The following BRI3 variants were observed in gnomAD, a reference collection of about 807,000 sequenced individuals.
BRI3 encodes brain protein I3, also known as membrane protein BRI3.
In BRI3, 6 loss-of-function variants were observed where a neutral mutation model predicts 12.8. The observed-to-expected ratio is 0.47, with a 90% CI of 0.26 to 0.93. BRI3 has a LOEUF of 0.93. Ranked by LOEUF, BRI3 falls within the 40% of genes least tolerant of loss-of-function variation. The pLI, the probability that BRI3 is intolerant of heterozygous loss-of-function variation, is 0.15. For missense variants in BRI3, 134 were observed against 171.1 expected (o/e 0.78, Z 1.21); for synonymous variants, 91 against 76.1 (o/e 1.20, Z -1.02).
chr7:98,312,928 C>A (rs752979641), downstream of BRI3, among the ~76,000 whole-genome samples: 1 of 152,160 alleles, frequency 6.6e-6, no homozygotes, highest in Non-Finnish European at 1.5e-5. Flanking sequence ...CAGAGGCCCC[C>A]CAAGCGCTTC....
At chr7:98,308,628 G>A in exon 2 of BRI3, 1 of 221,352 alleles carries the variant, frequency 4.5e-6, no homozygotes, top group Admixed American at 5.0e-5. Flanking sequence ...TTCAAACACA[G>A]GCTGATATTT....
upstream of BRI3, chr7:98,306,470 C>T (rs1390173400): frequency 6.2e-7 from 1 of 1,614,080 alleles, no homozygotes; most frequent in African/African-American, 1.3e-5. Context: ...GCTTCTGTCT[C>T]ATTTTCTTCC....
chr7:98,311,457 C>T (rs1800865305), downstream of BRI3, among the ~76,000 whole-genome samples: 1 of 150,612 alleles, frequency 6.6e-6, no homozygotes, highest in Non-Finnish European at 1.5e-5. Flanking sequence ...GGCAGAATGG[C>T]GTGAACCCAG....
At chr7:98,311,967 T>C, downstream of BRI3, 3 of 902,814 alleles carry the variant, frequency 3.3e-6, no homozygotes, top group Non-Finnish European at 3.4e-6. Context: ...GGTAAGGGGA[T>C]AGAGGTGCGA....
intron 1 of BRI3, among the ~76,000 whole-genome samples, 195 bp downstream of exon 1, chr7:98,282,132 C>T (rs1288907431): frequency 6.6e-6 from 1 of 152,188 alleles, no homozygotes; most frequent in African/African-American, 2.4e-5. Flanking sequence ...CCCGTCGTAA[C>T]CCGGCGGGGC....
chr7:98,304,897 C>T (rs1237372971), upstream of BRI3, among the ~76,000 whole-genome samples: 1 of 150,140 alleles, frequency 6.7e-6, no homozygotes, highest in South Asian at 2.1e-4. Context: ...TGGGGTTTCC[C>T]TCTTATTGTC....
downstream of BRI3, among the ~76,000 whole-genome samples, chr7:98,293,893 C>T (rs1468838678): frequency 6.6e-6 from 1 of 152,218 alleles, no homozygotes; most frequent in African/African-American, 2.4e-5. Flanking sequence ...GGAAGCCCTG[C>T]TCCCAGCGTG....
At chr7:98,287,034 G>A (rs946220303) in intron 2 of BRI3, among the ~76,000 whole-genome samples, 1 of 152,164 alleles carries the variant, frequency 6.6e-6, no homozygotes, top group Non-Finnish European at 1.5e-5. Flanking sequence ...GCCAGCCCTC[G>A]GGCCTTCGAA....
chr7:98,317,255 G>T, the BRI3 span: 1 of 1,614,198 alleles, frequency 6.2e-7, no homozygotes, highest in Non-Finnish European at 8.5e-7. Flanking sequence ...GTGCGTTTCG[G>T]CTTCCTTGGC....
At chr7:98,284,132 A>G (rs1799628699) in intron 2 of BRI3, among the ~76,000 whole-genome samples, 1 of 152,044 alleles carries the variant, frequency 6.6e-6, no homozygotes, top group Non-Finnish European at 1.5e-5. Context: ...TGGTTACTTA[A>G]TCACTGCTCT....
At chr7:98,296,239 C>T (rs1439724951), downstream of BRI3, among the ~76,000 whole-genome samples, 8 of 152,170 alleles carry the variant, frequency 5.3e-5, no homozygotes, top group South Asian at 2.1e-4. Context: ...TCGTGGGGGC[C>T]GGGAACGTCC....
At chr7:98,306,323 C>T (rs1257016032), upstream of BRI3, 5 of 1,238,236 alleles carry the variant, frequency 4.0e-6, no homozygotes, top group Middle Eastern at 3.8e-4. Context: ...TCTGACTAGT[C>T]CACGAGAGCT....
At chr7:98,316,810 A>C in the BRI3 span, among the ~76,000 whole-genome samples, 2 of 152,084 alleles carry the variant, frequency 1.3e-5, no homozygotes, top group African/African-American at 4.8e-5. Flanking sequence ...TCAGCTATCT[A>C]GAGAATGACA....
Position 98,282,007 on chromosome 7 carries a change from C to T in BRI3, c.142+70C>T, listed in dbSNP as rs370549051. The T allele has an allele frequency of 1.8e-4, 229 of 1,302,636 alleles. No homozygotes were observed. In the East Asian group the frequency reaches 6.1e-3, roughly 35 times the overall value. The allele number at this position is 1,302,636 out of a possible 1,614,324, so 80.7% of individuals were successfully genotyped here. On this transcript the variant is annotated intron_variant, in intron 1 of 2. Coordinates refer to ENST00000297290, the MANE Select transcript of BRI3 (RefSeq NM_015379.5). Reference sequence around the variant, plus strand: ...CAAGCCCGGTCGGGGGACGTGGGTCCGGAGGCGGGTGGGGCCCGCCCGGGG... The same window carrying T: ...CAAGCCCGGTCGGGGGACGTGGGTCTGGAGGCGGGTGGGGCCCGCCCGGGG...
chr7:98,297,162 C>T (rs771859211), downstream of BRI3, among the ~76,000 whole-genome samples: 5 of 152,210 alleles, frequency 3.3e-5, no homozygotes, highest in East Asian at 3.8e-4. Context: ...CGGCTGACTG[C>T]GGCCAGGGTG....
intron 2 of BRI3, among the ~76,000 whole-genome samples, chr7:98,288,753 C>T (rs374183929): frequency 6.6e-6 from 1 of 151,758 alleles, no homozygotes; most frequent in Non-Finnish European, 1.5e-5. Flanking sequence ...CAAATGCATA[C>T]CACTGTGTCT....
At chr7:98,282,097 C>A (rs1402502570) in intron 1 of BRI3, among the ~76,000 whole-genome samples, 160 bp downstream of exon 1, 1 of 152,044 alleles carries the variant, frequency 6.6e-6, no homozygotes, top group Non-Finnish European at 1.5e-5. Context: ...GGGCCAGCCT[C>A]CCCCCCGGGG....
chr7:98,293,935 C>T, downstream of BRI3: 1 of 987,692 alleles, frequency 1.0e-6, no homozygotes, highest in Non-Finnish European at 1.5e-6. Context: ...GAGCAGGGGG[C>T]TGCACTCCCC....
chr7:98,309,626 T>C (rs1800797248), exon 2 of BRI3: 1 of 152,258 alleles, frequency 6.6e-6, no homozygotes, highest in Admixed American at 6.5e-5. Flanking sequence ...ATCCTAGTCA[T>C]CATTCTGGAA....
Sources: allele counts gnomAD v4.1 joint callset (sites outside exome capture counted in the v4.1 genomes callset), GRCh38; gene constraint gnomAD v4.1.1; transcripts MANE v1.5; gene names NCBI Gene and HGNC (gene_info 2026-07-23, HGNC 2026-07-21).